Variants in GPR39 observed in about 807,000 individuals in gnomAD.
The protein encoded by GPR39 is zinc sensing receptor.
Under a neutral mutation model 18.4 loss-of-function variants are expected in GPR39, and 23 were observed. The ratio of observed to expected loss-of-function variants is 1.25; its 90% CI spans 0.90 to 1.77. The LOEUF is 1.77. GPR39 is among the 40% of genes most tolerant of loss of function. The pLI, the probability that GPR39 is intolerant of heterozygous loss-of-function variation, is 0.00. For synonymous variants in GPR39, 280 were observed against 257.9 expected, an observed-to-expected ratio of 1.09 and a Z score of -0.82; for missense variants, 647 against 602.4, an observed-to-expected ratio of 1.07 and a Z score of -0.78.
intron 1 of GPR39, among the ~76,000 whole-genome samples, chr2:132,633,885 T>TG (rs1169961411): frequency 6.6e-6 from 1 of 151,030 alleles, no homozygotes; most frequent in Admixed American, 6.6e-5. Flanking sequence ...GTATTGTTGG[T>TG]GGTATAGGTG....
At chr2:132,566,216 T>C (rs57779015) in intron 1 of GPR39, among the ~76,000 whole-genome samples, 1,654 of 148,196 alleles carry the variant, frequency 0.011, 36 homozygotes, top group African/African-American at 0.038. Flanking sequence ...GAAGTGTCTG[T>C]TCATGTCCTT....
intron 1 of GPR39, among the ~76,000 whole-genome samples, chr2:132,639,097 C>T (rs1397234352): frequency 6.6e-6 from 1 of 152,168 alleles, no homozygotes; most frequent in Non-Finnish European, 1.5e-5. Context: ...TGTTGTTCGG[C>T]TCAGACCATT....
At chr2:132,519,116 T>C (rs4371402) in intron 1 of GPR39, among the ~76,000 whole-genome samples, 78,187 of 151,984 alleles carry the variant, frequency 0.51, 20,547 homozygotes, top group Non-Finnish European at 0.56. Context: ...TCATCTTTAC[T>C]GTGAGTCTTG....
At chr2:132,579,056 T>G (rs1680579360) in intron 1 of GPR39, among the ~76,000 whole-genome samples, 1 of 151,966 alleles carries the variant, frequency 6.6e-6, no homozygotes, top group East Asian at 1.9e-4. Flanking sequence ...AAGCCTAGAT[T>G]ATTGATTTGA....
At chr2:132,425,882 C>T (rs1680110296) in intron 1 of GPR39, among the ~76,000 whole-genome samples, 1 of 152,086 alleles carries the variant, frequency 6.6e-6, no homozygotes. Context: ...TAAAATTCCC[C>T]CCCAGAACTT....
At chr2:132,436,143 A>G (rs1378536092) in intron 1 of GPR39, among the ~76,000 whole-genome samples, 1 of 129,614 alleles carries the variant, frequency 7.7e-6, no homozygotes, top group African/African-American at 3.4e-5. Context: ...GTGAGAAGTT[A>G]CTGGAAGAGC....
At position 132,645,704 on chromosome 2, in the gene GPR39, G is replaced by A. The variant is rs1458647991; in HGVS notation, c.*98G>A. 13 of 1,471,250 alleles carry A rather than the reference G, an allele frequency of 8.8e-6. No individual in the cohort carries two copies. The highest frequency in any genetic ancestry group is 1.1e-5 in the Non-Finnish European group (12 of 1,097,576). The allele number at this position is 1,471,250 out of a possible 1,614,324, so 91.1% of individuals were successfully genotyped here. The stretch of plus-strand genomic sequence containing the variant: ...CTCAAACTATGCCCCCATCAGGGAT[G>A]GAATGGACACTGGAGGCTTTACAAA... On this transcript the variant is annotated 3_prime_UTR_variant, in exon 2 of 2. Transcript: ENST00000329321.
intron 1 of GPR39, among the ~76,000 whole-genome samples, chr2:132,629,655 C>T (rs940761550): frequency 7.2e-5 from 11 of 152,146 alleles, no homozygotes; most frequent in Admixed American, 2.0e-4. Flanking sequence ...TCTTTGAGGT[C>T]GTTCCTGGTC....
At chr2:132,453,354 G>A (rs1558802713) in intron 1 of GPR39, among the ~76,000 whole-genome samples, 1 of 152,196 alleles carries the variant, frequency 6.6e-6, no homozygotes, top group East Asian at 1.9e-4. Context: ...AAATTTGTTT[G>A]AGTTTTTTGT....
chr2:132,604,734 A>AAT, intron 1 of GPR39: 1 of 152,384 alleles, frequency 6.6e-6, no homozygotes, highest in East Asian at 1.9e-4. Context: ...AGAAAGGGAC[A>AAT]TTTGAATTAG....
chr2:132,561,729 A>G, intron 1 of GPR39, among the ~76,000 whole-genome samples: 1 of 152,196 alleles, frequency 6.6e-6, no homozygotes, highest in East Asian at 1.9e-4. Context: ...CAAAGGCCTG[A>G]GAACCACGAA....
intron 1 of GPR39, among the ~76,000 whole-genome samples, chr2:132,581,168 G>C (rs911501613): frequency 2.0e-5 from 3 of 151,914 alleles, no homozygotes; most frequent in Admixed American, 2.0e-4. Context: ...TAGTTGTCCA[G>C]TGACTTTCTT....
At chr2:132,564,803 CT>C (rs1680316668) in intron 1 of GPR39, among the ~76,000 whole-genome samples, 1 of 91,722 alleles carries the variant, frequency 1.1e-5, no homozygotes, top group African/African-American at 3.8e-5. Context: ...CTATTTTTTT[CT>C]TTTTTCTTTT....
At chr2:132,554,529 T>C (rs1189430200) in intron 1 of GPR39, among the ~76,000 whole-genome samples, 2 of 152,222 alleles carry the variant, frequency 1.3e-5, no homozygotes, top group Admixed American at 1.3e-4. Flanking sequence ...TCTTGTCTGT[T>C]GGCCTTGAGA....
intron 1 of GPR39, among the ~76,000 whole-genome samples, chr2:132,621,439 C>T (rs928978434): frequency 2.0e-5 from 3 of 152,338 alleles, no homozygotes; most frequent in South Asian, 2.1e-4. Context: ...GGGTGTCAGC[C>T]ACATGTCTTG....
rs777150785 is a variant in GPR39 at position 132,646,015 on chromosome 2, A to G, written c.*409A>G. On this transcript the variant is annotated 3_prime_UTR_variant, in exon 2 of 2. Transcript: ENST00000329321. ...GTTGGGGGCGAGGGCTGGAAGAACA[A>G]TGCAGGAGGGGGTGGCATCTCCTTC... 27 of 1,487,762 alleles carry G rather than the reference A, an allele frequency of 1.8e-5. 1 individual carries two copies. The South Asian group carries it at 3.5e-4, about 19-fold the overall frequency. The allele number at this position is 1,487,762 out of a possible 1,614,324, so 92.2% of individuals were successfully genotyped here.
intron 1 of GPR39, among the ~76,000 whole-genome samples, chr2:132,548,555 A>G (rs1401263476): frequency 2.6e-5 from 4 of 152,196 alleles, no homozygotes; most frequent in Admixed American, 6.5e-5. Flanking sequence ...CAATCAAGTG[A>G]AAGGAATTTA....
intron 1 of GPR39, among the ~76,000 whole-genome samples, chr2:132,422,678 GT>G (rs1680037016): frequency 6.6e-6 from 1 of 151,960 alleles, no homozygotes; most frequent in Admixed American, 6.5e-5. Context: ...TCAGAAAAAA[GT>G]TTTGCCTCAA....
intron 1 of GPR39, among the ~76,000 whole-genome samples, chr2:132,475,746 G>A (rs918122006): frequency 6.6e-6 from 1 of 152,216 alleles, no homozygotes; most frequent in African/African-American, 2.4e-5. Flanking sequence ...CAGGAGACAA[G>A]AGTCTCTTTT....
Sources: gnomAD v4.1 joint callset for allele counts (sites outside exome capture counted in the v4.1 genomes callset) on GRCh38, gnomAD v4.1.1 for gene constraint, MANE v1.5 for transcripts, NCBI Gene and HGNC (gene_info 2026-07-23, HGNC 2026-07-21) for gene names.